Variants in EPM2A observed in about 807,000 individuals in gnomAD.
EPM2A encodes the protein laforin.
Under a neutral mutation model 26.5 loss-of-function variants are expected in EPM2A, and 21 were observed. That is an observed-to-expected ratio of 0.79 (90% CI 0.56 to 1.14). The LOEUF (loss-of-function observed/expected upper bound fraction) is 1.14, where lower values mean the gene tolerates loss of function less well. Among genes scored for constraint, EPM2A ranks in the 50% most tolerant of loss-of-function variants. The pLI is 0.00. For missense variants in EPM2A, 458 were observed against 440.8 expected, an observed-to-expected ratio of 1.04 and a Z score of -0.35; for synonymous variants, 217 against 177.6, an observed-to-expected ratio of 1.22 and a Z score of -1.76.
intron 2 of EPM2A, chr6:145,637,474 T>A (rs543463000): frequency 6.6e-6 from 1 of 152,182 alleles, no homozygotes; most frequent in South Asian, 2.1e-4. Flanking sequence ...AGAACAACTT[T>A]TTTTTTTTTT....
chr6:145,499,239 T>C (rs541752530), downstream of EPM2A, among the ~76,000 whole-genome samples: 127 of 152,332 alleles, frequency 8.3e-4, no homozygotes, highest in African/African-American at 2.9e-3. Context: ...ATCTACCTTA[T>C]TTCTCATCTG....
At chr6:145,547,239 A>G (rs569724516) in intron 2 of EPM2A, among the ~76,000 whole-genome samples, 1 of 152,198 alleles carries the variant, frequency 6.6e-6, no homozygotes, top group East Asian at 1.9e-4. Flanking sequence ...TTGTCCACTA[A>G]GCCTTCCTCT....
chr6:145,538,069 G>T (rs1414892691), intron 2 of EPM2A, among the ~76,000 whole-genome samples: 1 of 151,996 alleles, frequency 6.6e-6, no homozygotes, highest in Non-Finnish European at 1.5e-5. Context: ...ATATATGTCT[G>T]CATGTGTCTT....
intron 2 of EPM2A, among the ~76,000 whole-genome samples, chr6:145,612,388 G>A (rs1459006886): frequency 6.6e-6 from 1 of 152,138 alleles, no homozygotes. Context: ...CATAATCTTA[G>A]TTGCTGGTGG....
chr6:145,490,763 T>C (rs550181384), intron 4 of EPM2A: 5 of 561,412 alleles, frequency 8.9e-6, no homozygotes, highest in Middle Eastern at 2.9e-4. Flanking sequence ...GGTTGTCACA[T>C]GTGACAACTG....
intron 2 of EPM2A, among the ~76,000 whole-genome samples, chr6:145,669,546 G>A (rs1779493625): frequency 6.6e-6 from 1 of 152,100 alleles, no homozygotes; most frequent in Non-Finnish European, 1.5e-5. Flanking sequence ...AATCAGCTGG[G>A]CTTCCTGAAG....
chr6:145,423,513 G>C (rs2114685709), intron 4 of EPM2A, among the ~76,000 whole-genome samples: 1 of 152,310 alleles, frequency 6.6e-6, no homozygotes, highest in East Asian at 1.9e-4. Context: ...CACAGTGCTT[G>C]TGGAAGAGAA....
intron 2 of EPM2A, among the ~76,000 whole-genome samples, chr6:145,552,998 C>G (rs1780676355): frequency 6.6e-6 from 1 of 152,046 alleles, no homozygotes; most frequent in Admixed American, 6.6e-5. Flanking sequence ...GTGTCCCCAC[C>G]CAAATCTCAC....
At chr6:145,601,121 C>A (rs1462378809) in intron 2 of EPM2A, among the ~76,000 whole-genome samples, 1 of 152,150 alleles carries the variant, frequency 6.6e-6, no homozygotes, top group Non-Finnish European at 1.5e-5. Context: ...AGTAGCAATT[C>A]TCTGTTATTA....
chr6:145,602,879 A>C (rs556524811), intron 2 of EPM2A, among the ~76,000 whole-genome samples: 2 of 152,190 alleles, frequency 1.3e-5, no homozygotes, highest in East Asian at 1.9e-4. Flanking sequence ...GACCCAAAGG[A>C]ATACATTACT....
At chr6:145,398,131 G>C (rs1778430804) in intron 4 of EPM2A, among the ~76,000 whole-genome samples, 1 of 151,726 alleles carries the variant, frequency 6.6e-6, no homozygotes, top group Admixed American at 6.6e-5. Context: ...ACCATGTTGA[G>C]ATAGGCCTGT....
chr6:145,644,095 TTATTA>T (rs1414189888), intron 2 of EPM2A, among the ~76,000 whole-genome samples: 1 of 152,164 alleles, frequency 6.6e-6, no homozygotes. Context: ...TATTATCATA[TTATTA>T]TACATTGCAA....
chr6:145,385,482 G>C (rs1778247641), intron 4 of EPM2A, among the ~76,000 whole-genome samples: 2 of 152,102 alleles, frequency 1.3e-5, no homozygotes, highest in South Asian at 4.1e-4. Flanking sequence ...TTTTTACTGA[G>C]TTTTTGTTTC....
intron 2 of EPM2A, among the ~76,000 whole-genome samples, chr6:145,537,479 T>C (rs1236610337): frequency 6.6e-6 from 1 of 152,182 alleles, no homozygotes; most frequent in Admixed American, 6.6e-5. Flanking sequence ...CCTAGAAGTA[T>C]TCCTTTAGCT....
intron 1 of EPM2A, among the ~76,000 whole-genome samples, chr6:145,707,180 AAG>A (rs1168484778): frequency 3.3e-5 from 5 of 152,368 alleles, no homozygotes; most frequent in Middle Eastern, 3.4e-3. Context: ...TGAAAAGGCT[AAG>A]ACACTACTTC....
At chr6:145,691,567 T>G (rs540200848) in intron 1 of EPM2A, among the ~76,000 whole-genome samples, 1 of 152,138 alleles carries the variant, frequency 6.6e-6, no homozygotes, top group East Asian at 1.9e-4. Context: ...TAAGCAAACA[T>G]TCTAACATTG....
chr6:145,603,871 G>GT (rs745715002), intron 2 of EPM2A, among the ~76,000 whole-genome samples: 15 of 152,110 alleles, frequency 9.9e-5, no homozygotes, highest in East Asian at 9.7e-4. Flanking sequence ...GAGAGTCCAC[G>GT]TTTTTTTATT....
intron 4 of EPM2A, among the ~76,000 whole-genome samples, chr6:145,479,579 A>C (rs1421878239): frequency 6.6e-6 from 1 of 151,978 alleles, no homozygotes; most frequent in Non-Finnish European, 1.5e-5. Flanking sequence ...TTCAAGTTTC[A>C]TCCATGTTGT....
At chr6:145,498,247 G>A (rs1393299486), downstream of EPM2A, among the ~76,000 whole-genome samples, 1 of 152,276 alleles carries the variant, frequency 6.6e-6, no homozygotes, top group East Asian at 1.9e-4. Flanking sequence ...TATTGCCAGG[G>A]ACTGGCTGGA....
Sources: allele counts gnomAD v4.1 joint callset (sites outside exome capture counted in the v4.1 genomes callset), GRCh38; gene constraint gnomAD v4.1.1; transcripts MANE v1.5; gene names NCBI Gene and HGNC (gene_info 2026-07-23, HGNC 2026-07-21).